Variants in HIVEP3 observed in about 807,000 individuals in gnomAD.
HIVEP3 encodes HIVEP zinc finger 3.
HIVEP3 carries 49 observed loss-of-function variants against 152.8 expected under a neutral mutation model. That is an observed-to-expected ratio of 0.32 (90% confidence interval 0.26 to 0.41). The LOEUF (loss-of-function observed/expected upper bound fraction) is 0.41. HIVEP3 is among the 10% of genes least tolerant of loss of function. The pLI is 1.00. For synonymous variants in HIVEP3, 1,269 were observed against 1,289.0 expected (o/e 0.98, Z 0.33); for missense variants, 2,790 against 3,103.3 (o/e 0.90, Z 2.40).
intron 1 of HIVEP3, among the ~76,000 whole-genome samples, chr1:41,752,097 C>T (rs1432450068): frequency 1.3e-5 from 2 of 152,220 alleles, no homozygotes; most frequent in Non-Finnish European, 2.9e-5. Flanking sequence ...TTCTCTGGTT[C>T]CTCACTGCAC....
chr1:41,556,285 A>G (rs1345783743), intron 5 of HIVEP3, among the ~76,000 whole-genome samples: 1 of 152,192 alleles, frequency 6.6e-6, no homozygotes, highest in Non-Finnish European at 1.5e-5. Flanking sequence ...ATCCTTCTCA[A>G]CACTTATTTT....
At chr1:41,739,813 C>T (rs1477857676) in intron 1 of HIVEP3, among the ~76,000 whole-genome samples, 1 of 152,222 alleles carries the variant, frequency 6.6e-6, no homozygotes, top group Non-Finnish European at 1.5e-5. Flanking sequence ...AAGGCAGAGG[C>T]TCAAGTCCAG....
chr1:41,977,681 G>A (rs1229478866), intron 1 of HIVEP3, among the ~76,000 whole-genome samples: 2 of 152,190 alleles, frequency 1.3e-5, no homozygotes, highest in Non-Finnish European at 2.9e-5. Context: ...CAACATACAA[G>A]GACAGTGCTG....
At chr1:41,823,919 T>C (rs1437975640) in intron 1 of HIVEP3, among the ~76,000 whole-genome samples, 2 of 152,190 alleles carry the variant, frequency 1.3e-5, no homozygotes, top group Non-Finnish European at 2.9e-5. Flanking sequence ...TAAAAATCCA[T>C]TTATTTCTGT....
chr1:41,847,606 C>T (rs1643478646), intron 1 of HIVEP3: 1 of 152,176 alleles, frequency 6.6e-6, no homozygotes, highest in East Asian at 1.9e-4. Flanking sequence ...GCAATGCTAA[C>T]ATTTAACTGA....
chr1:41,582,121 G>C lies in HIVEP3; in HGVS notation c.2677C>G (p.Leu893Val). 6.2e-7 allele frequency: 1 copy of C among 1,614,184 alleles called. No individual in the cohort carries two copies. Among genetic ancestry groups the C allele is most frequent in the Non-Finnish European group, 8.5e-7 (1 of 1,180,030 alleles). Residue 893 changes from leucine (L) to valine (V), a missense_variant, in exon 4 of 9, where the codon CTT becomes GTT. This residue lies in a region of HIVEP3 where 1,078 missense variants were observed against 1,165.3 expected (regional missense o/e 0.93). Transcript: ENST00000372583. This position sits in a 1 kb window ranked among gnomAD's most constrained non-coding sequence, Gnocchi z 4.7. ...AGCTTCTCAGCTGGGAGCTGGGCAA[G>C]TGTCTGGCTGCGCTGGGGCCATTGG... ...EFQWPQRSQT[L>V]AQLPAEKLPP...
intron 1 of HIVEP3, among the ~76,000 whole-genome samples, chr1:42,015,477 ACACAGAG>A (rs1026077101): frequency 6.6e-6 from 1 of 152,202 alleles, no homozygotes; most frequent in African/African-American, 2.4e-5. Flanking sequence ...TTCAGCGTAG[ACACAGAG>A]CAAGACCTGC....
At chr1:41,965,196 A>C (rs1645190967) in intron 1 of HIVEP3, among the ~76,000 whole-genome samples, 1 of 152,236 alleles carries the variant, frequency 6.6e-6, no homozygotes, top group Non-Finnish European at 1.5e-5. Context: ...CTAAAAAACA[A>C]AGAGAAAGAA....
chr1:41,839,531 C>A (rs1358854789), intron 1 of HIVEP3, among the ~76,000 whole-genome samples: 1 of 152,176 alleles, frequency 6.6e-6, no homozygotes, highest in Non-Finnish European at 1.5e-5. Context: ...GTGGGCACCC[C>A]CAAGGCACCT....
chr1:41,891,389 A>T (rs1021360617), intron 1 of HIVEP3, among the ~76,000 whole-genome samples: 2 of 152,226 alleles, frequency 1.3e-5, no homozygotes, highest in South Asian at 4.1e-4. Flanking sequence ...CTTTGCTAAA[A>T]TACAAAACTC....
intron 1 of HIVEP3, among the ~76,000 whole-genome samples, chr1:41,768,770 G>GT (rs1008369132): frequency 3.1e-4 from 47 of 152,300 alleles, no homozygotes; most frequent in African/African-American, 1.0e-3. Context: ...GAAGCTGAGG[G>GT]TTTTTTGCCT....
At chr1:42,021,052 AT>A (rs1645550513) in intron 1 of HIVEP3, among the ~76,000 whole-genome samples, 1 of 152,212 alleles carries the variant, frequency 6.6e-6, no homozygotes, top group Admixed American at 6.5e-5. Flanking sequence ...CATGGTAATG[AT>A]TTGGGATATT....
At position 41,825,446 on chromosome 1, in the gene HIVEP3, A is replaced by G. The variant is rs1241715703; in HGVS notation, c.-801+92967T>C. On this transcript the variant is annotated intron_variant, in intron 1 of 8. Coordinates refer to ENST00000372583, the MANE Select transcript of HIVEP3 (RefSeq NM_024503.5). ...CCACCACGCCCAGCTAATATTTTCTATTTTCAGTAGAGATGGGGTTTCTAC... is the reference window on the plus strand; with the variant it reads ...CCACCACGCCCAGCTAATATTTTCTGTTTTCAGTAGAGATGGGGTTTCTAC... 4.6e-5 allele frequency among the ~76,000 whole-genome samples: 7 copies of G among 152,028 alleles called. 1 individual carries two copies. In the South Asian group the frequency reaches 1.5e-3, roughly 32 times the overall value.
intron 1 of HIVEP3, among the ~76,000 whole-genome samples, chr1:41,770,330 T>C (rs1050238056): frequency 6.6e-6 from 1 of 152,098 alleles, no homozygotes; most frequent in African/African-American, 2.4e-5. Context: ...CCCCAGAATA[T>C]TTTCTAATGA....
intron 5 of HIVEP3, among the ~76,000 whole-genome samples, chr1:41,545,025 A>G (rs12143455): frequency 0.011 from 441 of 39,738 alleles, 13 homozygotes; most frequent in Non-Finnish European, 0.034. Context: ...CACTACCACC[A>G]CCACCACCAC....
intron 1 of HIVEP3, among the ~76,000 whole-genome samples, chr1:41,923,962 T>C (rs1383905623): frequency 6.6e-6 from 1 of 152,156 alleles, no homozygotes; most frequent in African/African-American, 2.4e-5. Flanking sequence ...TTAGATACCA[T>C]TGTGATAGGC....
chr1:41,860,930 C>T (rs1362171905), intron 1 of HIVEP3, among the ~76,000 whole-genome samples: 2 of 152,216 alleles, frequency 1.3e-5, no homozygotes, highest in Non-Finnish European at 2.9e-5. Context: ...AAAAGAAGAA[C>T]ATCTTCCAGG....
intron 1 of HIVEP3, among the ~76,000 whole-genome samples, chr1:41,971,201 T>C (rs1645226716): frequency 6.6e-6 from 1 of 152,160 alleles, no homozygotes; most frequent in Admixed American, 6.5e-5. Flanking sequence ...TGAAATCGAA[T>C]TTATAAAAGT....
intron 1 of HIVEP3, among the ~76,000 whole-genome samples, chr1:41,731,198 G>T (rs749127947): frequency 2.0e-4 from 31 of 152,198 alleles, no homozygotes; most frequent in Non-Finnish European, 3.5e-4. Flanking sequence ...TTGGATAAAG[G>T]GGCTGATTTG....
Sources: allele counts gnomAD v4.1 joint callset (sites outside exome capture counted in the v4.1 genomes callset), GRCh38; gene constraint gnomAD v4.1.1; regional missense constraint gnomAD v4.1.1; non-coding constraint Gnocchi (gnomAD v3.1); transcripts MANE v1.5; gene names NCBI Gene and HGNC (gene_info 2026-07-23, HGNC 2026-07-21).